The following CADM2 variants were observed in gnomAD, a reference collection of about 807,000 sequenced individuals.
CADM2 encodes the protein immunoglobulin superfamily member 4D.
In CADM2, 12 loss-of-function variants were observed where a neutral mutation model predicts 49.8. The ratio of observed to expected loss-of-function variants is 0.24; its 90% CI spans 0.15 to 0.39. CADM2 has a LOEUF of 0.39. Ranked by LOEUF, CADM2 falls within the 10% of genes least tolerant of loss-of-function variation. The pLI is 1.00. For missense variants in CADM2, 378 were observed against 492.3 expected (o/e 0.77, Z 2.20); for synonymous variants, 214 against 175.4 (o/e 1.22, Z -1.74).
chr3:85,059,069 C>T (rs893903097), intron 1 of CADM2, among the ~76,000 whole-genome samples: 2 of 151,796 alleles, frequency 1.3e-5, no homozygotes, highest in East Asian at 3.9e-4. Context: ...GAAACCCTGT[C>T]TCCACTAAAA....
intron 1 of CADM2, among the ~76,000 whole-genome samples, chr3:85,532,093 C>T (rs992053301): frequency 1.3e-5 from 2 of 152,204 alleles, no homozygotes; most frequent in South Asian, 4.2e-4. Context: ...AGGAGAATGG[C>T]GTGAACCCAG....
chr3:85,643,957 A>G (rs1166315683), intron 1 of CADM2, among the ~76,000 whole-genome samples: 1 of 151,990 alleles, frequency 6.6e-6, no homozygotes, highest in Non-Finnish European at 1.5e-5. Context: ...GAATTTTTCA[A>G]TTCCTGGATA....
At chr3:85,333,063 G>A (rs910768495) in intron 1 of CADM2, among the ~76,000 whole-genome samples, 14 of 151,544 alleles carry the variant, frequency 9.2e-5, no homozygotes, top group Non-Finnish European at 3.0e-5. Flanking sequence ...TCATTGTCTC[G>A]TTAGACATTT....
intron 1 of CADM2, among the ~76,000 whole-genome samples, chr3:85,023,733 A>T (rs1202127990): frequency 1.3e-5 from 2 of 152,118 alleles, no homozygotes; most frequent in African/African-American, 4.8e-5. Context: ...TAAAATACAT[A>T]TATGAATATT....
intron 5 of CADM2, among the ~76,000 whole-genome samples, chr3:85,893,915 C>A (rs1714835066): frequency 6.6e-6 from 1 of 152,174 alleles, no homozygotes; most frequent in Admixed American, 6.5e-5. Flanking sequence ...TAAACGAATT[C>A]AACCGTTGTG....
chr3:85,468,211 C>CT lies in CADM2; in HGVS notation c.62-258310dup, dbSNP rs1452191291. On this transcript the variant is annotated intron_variant, in intron 1 of 9. Transcript: ENST00000383699. ...GAGGCAGGAAAACTAATATCGATTC[C>CT]TGGCTGAGACCACTGTCTGTTGTTT... Among the ~76,000 whole-genome samples the CT allele has an allele frequency of 5.4e-5, 8 of 147,940 alleles. No homozygotes were observed. In the East Asian group the frequency reaches 1.6e-3, roughly 30 times the overall value.
chr3:84,968,560 A>G (rs1441503743), intron 1 of CADM2, among the ~76,000 whole-genome samples: 1 of 152,078 alleles, frequency 6.6e-6, no homozygotes, highest in African/African-American at 2.4e-5. Flanking sequence ...CACATTCTGC[A>G]CTTACTAGTT....
intron 1 of CADM2, among the ~76,000 whole-genome samples, chr3:85,388,185 T>C (rs2034339819): frequency 6.6e-6 from 1 of 152,164 alleles, no homozygotes. Context: ...CATAGCACCA[T>C]GCCTGGCCAA....
intron 3 of CADM2, among the ~76,000 whole-genome samples, chr3:85,868,755 C>T (rs1274341284): frequency 2.0e-5 from 3 of 152,036 alleles, no homozygotes; most frequent in African/African-American, 7.2e-5. Flanking sequence ...TGTAATCTTT[C>T]CCTTCTCTTG....
intron 1 of CADM2, among the ~76,000 whole-genome samples, chr3:85,522,169 T>C (rs950930095): frequency 2.0e-5 from 3 of 152,154 alleles, no homozygotes; most frequent in Non-Finnish European, 4.4e-5. Context: ...TGATAGGCAG[T>C]ATACATCACG....
chr3:85,504,031 C>A (rs528809338), intron 1 of CADM2, among the ~76,000 whole-genome samples: 1 of 152,224 alleles, frequency 6.6e-6, no homozygotes, highest in African/African-American at 2.4e-5. Context: ...ATATTGTGTC[C>A]GGACTTGGTG....
At chr3:85,456,570 C>A (rs1482390672) in intron 1 of CADM2, among the ~76,000 whole-genome samples, 2 of 152,034 alleles carry the variant, frequency 1.3e-5, no homozygotes, top group African/African-American at 4.8e-5. Context: ...ATATAGCATA[C>A]TTTTTCAAAA....
At chr3:85,969,618 CTATA>C (rs1353034483) in intron 8 of CADM2, among the ~76,000 whole-genome samples, 1 of 150,470 alleles carries the variant, frequency 6.6e-6, no homozygotes, top group Non-Finnish European at 1.5e-5. Flanking sequence ...GTTTGTGTGT[CTATA>C]TATACATATG....
intron 1 of CADM2, among the ~76,000 whole-genome samples, chr3:85,572,608 C>T (rs1326036746): frequency 6.6e-6 from 1 of 152,022 alleles, no homozygotes; most frequent in African/African-American, 2.4e-5. Flanking sequence ...AGTCCAAAGG[C>T]CTCAGAACAA....
At chr3:84,974,627 A>G (rs1241946965) in intron 1 of CADM2, among the ~76,000 whole-genome samples, 1 of 151,966 alleles carries the variant, frequency 6.6e-6, no homozygotes, top group Non-Finnish European at 1.5e-5. Context: ...CAAGAAGTGC[A>G]TTAAGTAAGG....
In CADM2 at chr3:85,403,336, A is replaced by T. The variant is rs182283966; in HGVS notation, c.62-323186A>T. Among the ~76,000 whole-genome samples the T allele has an allele frequency of 5.3e-5, 8 of 152,304 alleles. No individual in the cohort carries two copies. The East Asian group carries it at 1.5e-3, about 29-fold the overall frequency. On this transcript the variant is annotated intron_variant, in intron 1 of 9. Coordinates refer to ENST00000383699, the MANE Select transcript of CADM2 (RefSeq NM_001167675.2). Reference sequence around the variant, plus strand: ...TGCATTGAACTAATATTTCAGTGGCATCCTCACATGTTAGTGTTCACATTC... The same window carrying T: ...TGCATTGAACTAATATTTCAGTGGCTTCCTCACATGTTAGTGTTCACATTC...
intron 1 of CADM2, among the ~76,000 whole-genome samples, chr3:85,416,383 C>T (rs934803482): frequency 6.6e-6 from 1 of 151,978 alleles, no homozygotes; most frequent in Non-Finnish European, 1.5e-5. Flanking sequence ...AGTTTCGATA[C>T]TGTTAGTGGC....
At chr3:85,745,736 A>C (rs1490235840) in intron 2 of CADM2, among the ~76,000 whole-genome samples, 1 of 152,146 alleles carries the variant, frequency 6.6e-6, no homozygotes, top group Non-Finnish European at 1.5e-5. Flanking sequence ...ATAGTGGTGC[A>C]TGCCTGTAGT....
chr3:85,586,594 C>CA, intron 1 of CADM2, among the ~76,000 whole-genome samples: 1 of 152,036 alleles, frequency 6.6e-6, no homozygotes, highest in South Asian at 2.1e-4. Context: ...ATCTTGGGAG[C>CA]CCAAATATCA....
Sources: gnomAD v4.1 joint callset for allele counts (sites outside exome capture counted in the v4.1 genomes callset) on GRCh38, gnomAD v4.1.1 for gene constraint, MANE v1.5 for transcripts, NCBI Gene and HGNC (gene_info 2026-07-23, HGNC 2026-07-21) for gene names.